The following NRXN1 variants were observed in gnomAD, a reference collection of about 807,000 sequenced individuals.
NRXN1 encodes the protein neurexin-1.
A neutral mutation model predicts 150.9 loss-of-function variants in NRXN1; 39 were observed. The observed-to-expected ratio is 0.26, with a 90% confidence interval of 0.20 to 0.34. NRXN1 has a LOEUF of 0.34. NRXN1 is among the 10% of genes least tolerant of loss of function. The pLI is 1.00. For missense variants in NRXN1, 1,815 were observed against 1,949.9 expected, an observed-to-expected ratio of 0.93 and a Z score of 1.30; for synonymous variants, 924 against 757.0, an observed-to-expected ratio of 1.22 and a Z score of -3.62.
At position 50,063,121 on chromosome 2, in the gene NRXN1, C is replaced by T. The variant is rs564022864; in HGVS notation, c.3719-8077G>A. ...AAAGTAATAGTTTTGTAAACATACT[C>T]TGATTTTAAGTGCAGCATAATCACA... On this transcript the variant is annotated intron_variant, in intron 19 of 22. Transcript: ENST00000401669. Among the ~76,000 whole-genome samples, 78 of 152,248 alleles carry T rather than the reference C, an allele frequency of 5.1e-4. 1 individual carries two copies. The highest frequency in any genetic ancestry group is 1.6e-3 in the African/African-American group (66 of 41,550).
intron 21 of NRXN1, among the ~76,000 whole-genome samples, chr2:49,957,094 G>T (rs1675110098): frequency 6.6e-6 from 1 of 152,090 alleles, no homozygotes; most frequent in African/African-American, 2.4e-5. Context: ...CCTTCTATGA[G>T]CAGCAAGTTG....
At chr2:50,720,110 G>C (rs1179760252) in intron 5 of NRXN1, among the ~76,000 whole-genome samples, 1 of 152,132 alleles carries the variant, frequency 6.6e-6, no homozygotes, top group Non-Finnish European at 1.5e-5. Flanking sequence ...CTTTGCTGTA[G>C]ATCTGTCCAG....
intron 1 of NRXN1, among the ~76,000 whole-genome samples, chr2:51,030,595 A>G (rs1433971347): frequency 2.0e-5 from 3 of 151,230 alleles, no homozygotes; most frequent in African/African-American, 7.3e-5. Flanking sequence ...GCACATACAC[A>G]CTGCCCACTA....
chr2:50,409,272 C>T (rs1306292418), intron 17 of NRXN1, among the ~76,000 whole-genome samples: 3 of 152,332 alleles, frequency 2.0e-5, no homozygotes, highest in African/African-American at 4.8e-5. Flanking sequence ...CCCCACCCTT[C>T]GAGTTTGAAG....
intron 8 of NRXN1, among the ~76,000 whole-genome samples, chr2:50,583,981 T>C (rs2103693580): frequency 6.6e-6 from 1 of 152,328 alleles, no homozygotes; most frequent in African/African-American, 2.4e-5. Context: ...CCAATAAATG[T>C]TTGTTGAATC....
chr2:50,559,873 A>G (rs1235575654), intron 8 of NRXN1, among the ~76,000 whole-genome samples: 1 of 152,236 alleles, frequency 6.6e-6, no homozygotes, highest in Non-Finnish European at 1.5e-5. Context: ...GTTTAAGCAC[A>G]AAGATGGTCC....
chr2:50,889,628 C>T (rs1426509786), intron 5 of NRXN1, among the ~76,000 whole-genome samples: 3 of 151,490 alleles, frequency 2.0e-5, no homozygotes, highest in Non-Finnish European at 4.4e-5. Context: ...TAATTAAGTC[C>T]AAGGTTATTT....
chr2:50,825,918 G>C (rs997595342), intron 5 of NRXN1, among the ~76,000 whole-genome samples: 10 of 152,182 alleles, frequency 6.6e-5, no homozygotes, highest in African/African-American at 1.7e-4. Context: ...TTGATGTTTG[G>C]GGGAAAACCC....
At chr2:50,373,285 AT>A (rs2080160569) in intron 17 of NRXN1, among the ~76,000 whole-genome samples, 2 of 128,510 alleles carry the variant, frequency 1.6e-5, no homozygotes, top group Admixed American at 8.1e-5. Flanking sequence ...GATTTATTTT[AT>A]TTTATTTTTT....
At chr2:50,746,559 A>AAACAACAACAAC (rs77543976) in intron 5 of NRXN1, among the ~76,000 whole-genome samples, 1 of 149,064 alleles carries the variant, frequency 6.7e-6, no homozygotes, top group Non-Finnish European at 1.5e-5. Context: ...CCCTGTCTCA[A>AAACAACAACAAC]AACAACAACA....
chr2:50,524,002 A>G (rs1345935032), intron 12 of NRXN1, among the ~76,000 whole-genome samples: 1 of 152,218 alleles, frequency 6.6e-6, no homozygotes, highest in Non-Finnish European at 1.5e-5. Context: ...AAGAAAAAAG[A>G]TAACGGAAGA....
At chr2:50,330,484 C>A (rs748175703) in intron 17 of NRXN1, among the ~76,000 whole-genome samples, 1 of 151,986 alleles carries the variant, frequency 6.6e-6, no homozygotes, top group Non-Finnish European at 1.5e-5. Flanking sequence ...CCTCCCATCC[C>A]CAGGGATTTC....
At chr2:50,019,224 G>C (rs989906855) in intron 21 of NRXN1, 1 of 471,288 alleles carries the variant, frequency 2.1e-6, no homozygotes, top group African/African-American at 2.0e-5. Context: ...CATTCTCTCA[G>C]TTTAGTACTT....
chr2:50,573,856 A>G (rs866370764), intron 8 of NRXN1, among the ~76,000 whole-genome samples: 3 of 152,102 alleles, frequency 2.0e-5, no homozygotes, highest in African/African-American at 7.2e-5. Context: ...AGTAATCTAG[A>G]GATGATTTAA....
intron 15 of NRXN1, among the ~76,000 whole-genome samples, chr2:50,483,247 A>C (rs931089823): frequency 6.6e-6 from 1 of 152,102 alleles, no homozygotes; most frequent in African/African-American, 2.4e-5. Flanking sequence ...TATATGGCTT[A>C]AAAAGGGGAG....
At chr2:50,472,276 C>G (rs765588585) in intron 16 of NRXN1, 22 bp downstream of exon 16, 1 of 1,519,318 alleles carries the variant, frequency 6.6e-7, no homozygotes, top group Non-Finnish European at 8.9e-7. Context: ...TTATTTAGAG[C>G]ATGATGACAA....
At chr2:50,060,225 G>A (rs777634399) in intron 19 of NRXN1, among the ~76,000 whole-genome samples, 6 of 152,188 alleles carry the variant, frequency 3.9e-5, no homozygotes, top group Non-Finnish European at 7.3e-5. Context: ...TGACCTGGAT[G>A]TAAAACATGG....
intron 22 of NRXN1, among the ~76,000 whole-genome samples, chr2:49,937,566 T>G (rs1013885936): frequency 1.3e-5 from 2 of 152,198 alleles, no homozygotes; most frequent in Non-Finnish European, 1.5e-5. Context: ...ACCAGCACGT[T>G]GCACACTGAA....
chr2:50,804,182 T>G (rs1195585667), intron 5 of NRXN1, among the ~76,000 whole-genome samples: 1 of 152,204 alleles, frequency 6.6e-6, no homozygotes, highest in African/African-American at 2.4e-5. Flanking sequence ...AAGATGAAAT[T>G]TTCAAATTTT....
Sources: allele counts gnomAD v4.1 joint callset (sites outside exome capture counted in the v4.1 genomes callset), GRCh38; gene constraint gnomAD v4.1.1; transcripts MANE v1.5; gene names NCBI Gene and HGNC (gene_info 2026-07-23, HGNC 2026-07-21).